HDX: variants seen among roughly 807,000 people sequenced by gnomAD.
HDX encodes the protein highly divergent homeobox.
Under a neutral mutation model 45.2 loss-of-function variants are expected in HDX, and 19 were observed. The ratio of observed to expected loss-of-function variants is 0.42; its 90% CI spans 0.29 to 0.62. HDX has a LOEUF of 0.62. HDX is among the 20% of genes least tolerant of loss of function. The pLI is 0.20. For missense variants in HDX, 532 were observed against 493.9 expected (o/e 1.08, Z -0.73); for synonymous variants, 188 against 172.8 (o/e 1.09, Z -0.69).
chrX:84,329,096 T>C (rs750148444), intron 9 of HDX, among the ~76,000 whole-genome samples: 6 of 111,619 alleles, frequency 5.4e-5, no homozygotes, highest in African/African-American at 2.0e-4. Context: ...GAGACCAAGG[T>C]TTTATCTTGC....
chrX:84,440,648 A>G, intron 4 of HDX, 63 bp from the exon 5 acceptor site: 3 of 672,145 alleles, frequency 4.5e-6, no homozygotes, highest in Non-Finnish European at 7.1e-6. Flanking sequence ...AATGTTGATC[A>G]ACACCAAAGA....
chrX:84,347,235 A>T (rs2037227912), intron 6 of HDX, among the ~76,000 whole-genome samples: 1 of 109,020 alleles, frequency 9.2e-6, no homozygotes, highest in Non-Finnish European at 1.9e-5. Flanking sequence ...TAGAGACAGG[A>T]TCTCACTCTG....
chrX:84,449,450 A>G (rs2039948576), intron 4 of HDX, among the ~76,000 whole-genome samples: 1 of 111,995 alleles, frequency 8.9e-6, no homozygotes, highest in African/African-American at 3.2e-5. Context: ...TAAAACCCAC[A>G]TCAGACTAAC....
At chrX:84,357,197 G>T (rs1176269772) in intron 6 of HDX, among the ~76,000 whole-genome samples, 1 of 111,856 alleles carries the variant, frequency 8.9e-6, no homozygotes, top group African/African-American at 3.2e-5. Context: ...GGAAATCTTA[G>T]AGTCCAGGTG....
At chrX:84,409,515 C>T (rs1193409112) in intron 5 of HDX, among the ~76,000 whole-genome samples, 1 of 108,771 alleles carries the variant, frequency 9.2e-6, no homozygotes, top group Non-Finnish European at 1.9e-5. Flanking sequence ...AAATGTGGCA[C>T]ATATACACCA....
At chrX:84,478,653 A>C (rs1052768802) in intron 2 of HDX, among the ~76,000 whole-genome samples, 10 of 111,822 alleles carry the variant, frequency 8.9e-5, no homozygotes, top group Non-Finnish European at 1.9e-4. Flanking sequence ...CAGGAATTTG[A>C]AACCAGCTTG....
intron 1 of HDX, among the ~76,000 whole-genome samples, chrX:84,492,246 C>G (rs780379406): frequency 1.8e-5 from 2 of 110,918 alleles, no homozygotes; most frequent in African/African-American, 6.6e-5. Context: ...TGCCTTTTGT[C>G]AAAGGTCTAA....
At chrX:84,459,725 T>A (rs1265730063) in intron 4 of HDX, among the ~76,000 whole-genome samples, 1 of 109,522 alleles carries the variant, frequency 9.1e-6, no homozygotes, top group Non-Finnish European at 1.9e-5. Context: ...AAATAAAAAA[T>A]AGTACAAAAG....
intron 5 of HDX, among the ~76,000 whole-genome samples, chrX:84,366,240 C>T (rs1036989499): frequency 2.0e-4 from 22 of 111,380 alleles, no homozygotes; most frequent in African/African-American, 7.2e-4. Context: ...ACAATTGCTA[C>T]AAAGAGAATA....
At chrX:84,425,354 T>G (rs1294204780) in intron 5 of HDX, among the ~76,000 whole-genome samples, 1 of 111,913 alleles carries the variant, frequency 8.9e-6, no homozygotes, top group Non-Finnish European at 1.9e-5. Flanking sequence ...GGAGCCCTTG[T>G]ACAATGTTGG....
chrX:84,381,650 T>C (rs764327508), intron 5 of HDX, among the ~76,000 whole-genome samples: 2 of 111,812 alleles, frequency 1.8e-5, no homozygotes, highest in Non-Finnish European at 3.8e-5. Context: ...GATATTCATA[T>C]GCAGAAGAAT....
intron 5 of HDX, among the ~76,000 whole-genome samples, chrX:84,403,435 T>G (rs2038750657): frequency 8.9e-6 from 1 of 111,753 alleles, no homozygotes; most frequent in Non-Finnish European, 1.9e-5. Flanking sequence ...GTTAAAAATC[T>G]ATGTCTCTAC....
At chrX:84,347,478 A>G (rs940256852) in intron 6 of HDX, among the ~76,000 whole-genome samples, 2 of 111,273 alleles carry the variant, frequency 1.8e-5, no homozygotes, top group Admixed American at 1.9e-4. Flanking sequence ...CATCCCACAA[A>G]TTTGGTATTT....
chrX:84,497,756 C>T (rs2041037407), intron 1 of HDX, among the ~76,000 whole-genome samples: 1 of 109,794 alleles, frequency 9.1e-6, no homozygotes, highest in African/African-American at 3.3e-5. Flanking sequence ...TGTGTATACA[C>T]ATAAATTTTT....
intron 5 of HDX, among the ~76,000 whole-genome samples, chrX:84,412,683 C>T (rs767004960): frequency 9.0e-6 from 1 of 111,381 alleles, no homozygotes; most frequent in African/African-American, 3.3e-5. Flanking sequence ...CTCCAAGGGG[C>T]TTCCTGTATT....
At chrX:84,332,079 T>C (rs1011468691) in intron 9 of HDX, among the ~76,000 whole-genome samples, 4 of 111,482 alleles carry the variant, frequency 3.6e-5, no homozygotes, top group Non-Finnish European at 5.7e-5. Flanking sequence ...GACAGATAAA[T>C]TACTAAACTG....
intron 7 of HDX, among the ~76,000 whole-genome samples, chrX:84,341,666 C>T (rs751005107): frequency 8.2e-5 from 9 of 109,378 alleles, no homozygotes; most frequent in African/African-American, 2.7e-4. Context: ...TATGAGACCA[C>T]GAGACTACTG....
intron 2 of HDX, among the ~76,000 whole-genome samples, chrX:84,482,025 T>C (rs900654935): frequency 8.9e-6 from 1 of 111,879 alleles, no homozygotes; most frequent in African/African-American, 3.3e-5. Flanking sequence ...GCTGCATCCA[T>C]GTTGTTGCAA....
At chrX:84,364,491 C>CTTTTTT (rs1169466223) in intron 5 of HDX, among the ~76,000 whole-genome samples, 1 of 48,238 alleles carries the variant, frequency 2.1e-5, no homozygotes. Flanking sequence ...AGTTATTCAC[C>CTTTTTT]TTTTTTTTTT....
Sources: gnomAD v4.1 joint callset for allele counts (sites outside exome capture counted in the v4.1 genomes callset) on GRCh38, gnomAD v4.1.1 for gene constraint, MANE v1.5 for transcripts, NCBI Gene and HGNC (gene_info 2026-07-23, HGNC 2026-07-21) for gene names.